The following CLEC16A variants were observed in gnomAD, a reference collection of about 807,000 sequenced individuals.
CLEC16A encodes the protein protein CLEC16A.
Under a neutral mutation model 109.5 loss-of-function variants are expected in CLEC16A, and 51 were observed. The ratio of observed to expected loss-of-function variants is 0.47; its 90% CI spans 0.37 to 0.59. The LOEUF is 0.59. Ranked by LOEUF, CLEC16A falls within the 20% of genes least tolerant of loss-of-function variation. CLEC16A has a pLI of 0.00. For missense variants in CLEC16A, 1,339 were observed against 1,394.0 expected (o/e 0.96, Z 0.63); for synonymous variants, 673 against 564.2 (o/e 1.19, Z -2.73).
At chr16:10,986,176 G>T (rs541308851) in intron 10 of CLEC16A, among the ~76,000 whole-genome samples, 8 of 151,372 alleles carry the variant, frequency 5.3e-5, no homozygotes, top group Non-Finnish European at 1.0e-4. Context: ...GACTACAGGC[G>T]CCTGCCCCCA....
At chr16:11,118,505 G>T (rs2052170991) in intron 19 of CLEC16A, among the ~76,000 whole-genome samples, 1 of 152,212 alleles carries the variant, frequency 6.6e-6, no homozygotes, top group African/African-American at 2.4e-5. Context: ...TGAGGGCTTG[G>T]TGATTCTGTC....
intron 19 of CLEC16A, among the ~76,000 whole-genome samples, chr16:11,105,165 G>A (rs1002631695): frequency 6.6e-6 from 1 of 152,164 alleles, no homozygotes; most frequent in Non-Finnish European, 1.5e-5. Context: ...GTGGCATTCC[G>A]AGAGCAGAGA....
intron 19 of CLEC16A, among the ~76,000 whole-genome samples, chr16:11,111,918 C>G (rs955626303): frequency 6.6e-6 from 1 of 152,210 alleles, no homozygotes; most frequent in Admixed American, 6.5e-5. Flanking sequence ...CTCTCCTTTG[C>G]TGCTATAAAT....
intron 18 of CLEC16A, among the ~76,000 whole-genome samples, chr16:11,053,960 A>G (rs1348598405): frequency 2.0e-5 from 3 of 152,252 alleles, no homozygotes; most frequent in Admixed American, 6.5e-5. Flanking sequence ...TTCAAGCAGC[A>G]TTAGGTCAGG....
chr16:10,994,785 A>T (rs192211600), intron 10 of CLEC16A, among the ~76,000 whole-genome samples: 1 of 152,294 alleles, frequency 6.6e-6, no homozygotes, highest in African/African-American at 2.4e-5. Flanking sequence ...TGATGCATAA[A>T]CTGTCACTGC....
At chr16:11,015,570 C>G (rs2045696518) in intron 11 of CLEC16A, among the ~76,000 whole-genome samples, 2 of 152,316 alleles carry the variant, frequency 1.3e-5, no homozygotes, top group South Asian at 4.1e-4. Context: ...CCTGGAGCAG[C>G]TCTGCGCTCA....
At chr16:11,155,524 A>G (rs1280584525) in intron 22 of CLEC16A, among the ~76,000 whole-genome samples, 1 of 152,228 alleles carries the variant, frequency 6.6e-6, no homozygotes, top group East Asian at 1.9e-4. Context: ...GGCAGACGTC[A>G]ACAGAGCCCT....
intron 4 of CLEC16A, 48 bp downstream of exon 4, chr16:10,969,357 C>CTT (rs759478746): frequency 1.7e-3 from 1,705 of 997,262 alleles, no homozygotes; most frequent in South Asian, 2.4e-3. Flanking sequence ...CCACACGTGG[C>CTT]TTTTTTTTTT....
chr16:10,994,495 G>A (rs950946824), intron 10 of CLEC16A, among the ~76,000 whole-genome samples: 2 of 152,154 alleles, frequency 1.3e-5, no homozygotes, highest in Non-Finnish European at 2.9e-5. Flanking sequence ...ATGTGCTACA[G>A]TGCTGTTGGT....
At chr16:10,994,740 C>T (rs1425170918) in intron 10 of CLEC16A, among the ~76,000 whole-genome samples, 1 of 152,154 alleles carries the variant, frequency 6.6e-6, no homozygotes, top group African/African-American at 2.4e-5. Flanking sequence ...TATAGACAAC[C>T]ATATAATTGT....
At chr16:11,017,189 C>A (rs921837512) in intron 11 of CLEC16A, among the ~76,000 whole-genome samples, 1 of 152,146 alleles carries the variant, frequency 6.6e-6, no homozygotes, top group African/African-American at 2.4e-5. Context: ...CATTGCCACT[C>A]GGGCCCGCTG....
intron 19 of CLEC16A, among the ~76,000 whole-genome samples, chr16:11,101,690 GT>G (rs2050925191): frequency 6.6e-6 from 1 of 152,126 alleles, no homozygotes; most frequent in Non-Finnish European, 1.5e-5. Flanking sequence ...TAGAACTAAT[GT>G]TCTAGAAGAT....
At chr16:11,150,661 C>T (rs2054258451) in intron 22 of CLEC16A, among the ~76,000 whole-genome samples, 1 of 152,158 alleles carries the variant, frequency 6.6e-6, no homozygotes, top group African/African-American at 2.4e-5. Context: ...CATAATAGTC[C>T]ATTGTCTGAG....
intron 22 of CLEC16A, among the ~76,000 whole-genome samples, chr16:11,137,036 C>A (rs1411257579): frequency 6.6e-6 from 1 of 152,182 alleles, no homozygotes; most frequent in East Asian, 1.9e-4. Context: ...GCTTTGGGAA[C>A]CCCACATATT....
intron 3 of CLEC16A, among the ~76,000 whole-genome samples, chr16:10,965,861 C>T (rs1200572865): frequency 6.6e-6 from 1 of 152,208 alleles, no homozygotes; most frequent in Non-Finnish European, 1.5e-5. Context: ...AAAGTCCCTG[C>T]TGGGGAGTGG....
rs577696866 is a variant in CLEC16A at position 11,162,911 on chromosome 16, A to C, written c.2642-3477A>C. Reference sequence around the variant, plus strand: ...GGTGTGGAATTGGTCAGATGGTGTGAAAGTCCATGCAGCCTCTGATACACA... The same window carrying C: ...GGTGTGGAATTGGTCAGATGGTGTGCAAGTCCATGCAGCCTCTGATACACA... On this transcript the variant is annotated intron_variant, in intron 22 of 23. Coordinates refer to ENST00000409790, the MANE Select transcript of CLEC16A (RefSeq NM_015226.3). Among the ~76,000 whole-genome samples the C allele has an allele frequency of 2.0e-5, 3 of 152,172 alleles. No homozygotes were observed. In the East Asian group the frequency reaches 5.8e-4, roughly 29 times the overall value.
At chr16:11,049,542 G>T (rs1469503467) in intron 17 of CLEC16A, among the ~76,000 whole-genome samples, 1 of 152,114 alleles carries the variant, frequency 6.6e-6, no homozygotes, top group Non-Finnish European at 1.5e-5. Context: ...TACAATGCCT[G>T]GCATTCCAGA....
chr16:10,982,814 G>C, intron 9 of CLEC16A, 64 bp from the exon 10 acceptor site: 1 of 941,768 alleles, frequency 1.1e-6, no homozygotes, highest in Non-Finnish European at 1.7e-6. Context: ...TTCTGATCCA[G>C]GAAGCAAGAG....
intron 22 of CLEC16A, among the ~76,000 whole-genome samples, chr16:11,164,694 C>CGCTG (rs1014973265): frequency 9.2e-5 from 14 of 152,224 alleles, no homozygotes; most frequent in Admixed American, 2.6e-4. Flanking sequence ...TCAACTCTGC[C>CGCTG]GCTGATCGAG....
Sources: gnomAD v4.1 joint callset for allele counts (sites outside exome capture counted in the v4.1 genomes callset) on GRCh38, gnomAD v4.1.1 for gene constraint, MANE v1.5 for transcripts, NCBI Gene and HGNC (gene_info 2026-07-23, HGNC 2026-07-21) for gene names.